DYSF: variants seen among roughly 807,000 people sequenced by gnomAD.
The protein encoded by DYSF is dysferlin.
In DYSF, 212 loss-of-function variants were observed where a neutral mutation model predicts 274.9. The ratio of observed to expected loss-of-function variants is 0.77; its 90% confidence interval spans 0.69 to 0.86. The LOEUF (loss-of-function observed/expected upper bound fraction) is 0.86. Among genes scored for constraint, DYSF ranks in the 40% least tolerant of loss-of-function variants. The pLI is 0.00. For synonymous variants in DYSF, 1,091 were observed against 1,078.7 expected (o/e 1.01, Z -0.22); for missense variants, 2,666 against 2,783.2 (o/e 0.96, Z 0.95).
intron 27 of DYSF, 121 bp downstream of exon 27, chr2:71,570,055 T>C: frequency 9.0e-7 from 1 of 1,110,964 alleles, no homozygotes; most frequent in Non-Finnish European, 1.4e-6. Context: ...GACTTCATGC[T>C]TTGATTTCCA....
chr2:71,557,527 T>A (rs4419251), intron 22 of DYSF, among the ~76,000 whole-genome samples: 93,534 of 151,594 alleles, frequency 0.62, 29,463 homozygotes, highest in Non-Finnish European at 0.66. Context: ...ATGTGAGGAA[T>A]GGACTGGTGG....
chr2:71,634,168 C>T (rs1273373779), intron 41 of DYSF, among the ~76,000 whole-genome samples: 2 of 152,154 alleles, frequency 1.3e-5, no homozygotes, highest in Non-Finnish European at 2.9e-5. Context: ...GAACCTTGAG[C>T]ATGGGGGAGT....
At position 71,569,842 on chromosome 2, in the gene DYSF, G is replaced by A. The variant is rs763298311; in HGVS notation, c.2887G>A (p.Gly963Ser). ...EKTLLHDMDA[G>S]HLSFVEEVFE... is the part of the protein sequence containing the mutation. ...CAGTCTGCTCCATGACATGGACGCCGGTCACCTGAGCTTCGTGGAAGAGGT... is the reference window on the plus strand; with the variant it reads ...CAGTCTGCTCCATGACATGGACGCCAGTCACCTGAGCTTCGTGGAAGAGGT... Residue 963 changes from glycine to serine, a missense_variant, in exon 27 of 56, where the codon GGT becomes AGT. This residue lies in a region of DYSF where 412 missense variants were observed against 504.0 expected (regional missense o/e 0.82). Coordinates refer to ENST00000410020, the MANE Select transcript of DYSF (RefSeq NM_001130987.2). 7.4e-6 allele frequency: 12 copies of A among 1,613,866 alleles called. No individual in the cohort carries two copies. The highest frequency in any genetic ancestry group is 1.3e-5 in the African/African-American group (1 of 74,908).
At chr2:71,633,133 C>T (rs2094342716) in intron 41 of DYSF, among the ~76,000 whole-genome samples, 1 of 152,120 alleles carries the variant, frequency 6.6e-6, no homozygotes, top group South Asian at 2.1e-4. Flanking sequence ...AATTAAGTGA[C>T]TTTTGTTATA....
At chr2:71,509,543 A>G (rs2085863277) in intron 4 of DYSF, among the ~76,000 whole-genome samples, 1 of 143,114 alleles carries the variant, frequency 7.0e-6, no homozygotes. Flanking sequence ...TGATATTCTC[A>G]GTTATTTTTC....
chr2:71,459,139 C>A (rs972893611), intron 1 of DYSF, among the ~76,000 whole-genome samples: 13 of 152,148 alleles, frequency 8.5e-5, no homozygotes, highest in African/African-American at 2.9e-4. Flanking sequence ...TTCCGGAAGC[C>A]TTTGGACATT....
At position 71,524,188 on chromosome 2, in the gene DYSF, G is replaced by A. The variant is rs150193999; in HGVS notation, c.1150-2032G>A. 9.6e-4 allele frequency among the ~76,000 whole-genome samples: 146 copies of A among 152,230 alleles called. 1 individual carries two copies. In the South Asian group the frequency reaches 1.0e-2, roughly 10 times the overall value. On this transcript the variant is annotated intron_variant, in intron 12 of 55. Transcript: ENST00000410020. ...CTACTTCCTCCCTGAAGCTTGCCTC[G>A]TCTTCCAGGAAAATGTATTGGTCTT... is the stretch of plus-strand genomic sequence containing the variant.
chr2:71,681,617 C>G (rs2095297504), intron 54 of DYSF, among the ~76,000 whole-genome samples: 1 of 152,198 alleles, frequency 6.6e-6, no homozygotes, highest in Non-Finnish European at 1.5e-5. Context: ...CTTCATTTTT[C>G]CATCTGTGAA....
At position 71,574,291 on chromosome 2, in the gene DYSF, C is replaced by T. The variant is rs377079619; in HGVS notation, c.3322C>T (p.Arg1108Cys). The change falls in exon 30 of 56, where the codon CGC becomes TGC. Residue 1108 changes from arginine (R) to cysteine (C), a missense_variant. Around this residue, in one of 3 missense-constraint regions of DYSF, gnomAD observed 1,460 missense variants for 1,502.1 expected, o/e 0.97. Coordinates refer to ENST00000410020, the MANE Select transcript of DYSF (RefSeq NM_001130987.2). The stretch of plus-strand genomic sequence containing the variant: ...CGAGTACCGCAAGACAGATGCCTTC[C>T]GCCGCCGCCGCTGGCGCCGTCGCAT... ...HLEYRKTDAF[R>C]RRRWRRRMEP... 9.3e-6 allele frequency: 15 copies of T among 1,613,262 alleles called. No individual in the cohort carries two copies. The highest frequency in any genetic ancestry group is 3.3e-5 in the Admixed American group (2 of 59,992).
chr2:71,665,408 C>T (rs1031821771), intron 47 of DYSF, 104 bp downstream of exon 47: 1 of 1,482,758 alleles, frequency 6.7e-7, no homozygotes, highest in Non-Finnish European at 9.3e-7. Flanking sequence ...ACATAACCCA[C>T]AGCAGCAGGC....
At chr2:71,548,572 AC>A (rs750993652) in intron 17 of DYSF, among the ~76,000 whole-genome samples, 2 of 116,368 alleles carry the variant, frequency 1.7e-5, no homozygotes, top group Non-Finnish European at 4.5e-5. Flanking sequence ...CGCATCGCAT[AC>A]CTGCCTAGCA....
intron 13 of DYSF, 69 bp downstream of exon 13, chr2:71,526,415 C>CGGGGGGGGGGGGGGGGGGG: frequency 9.7e-6 from 4 of 411,234 alleles, no homozygotes; most frequent in Middle Eastern, 8.7e-4. Context: ...TGGGGGTGGG[C>CGGGGGGGGGGGGGGGGGGG]GATGGCGGGC....
intron 53 of DYSF, 145 bp downstream of exon 53, chr2:71,679,380 C>CTA: frequency 2.3e-6 from 2 of 852,944 alleles, no homozygotes; most frequent in Middle Eastern, 3.5e-4. Flanking sequence ...CCCTCTCTCT[C>CTA]TATTTTCCAA....
intron 45 of DYSF, among the ~76,000 whole-genome samples, chr2:71,662,657 CTGTGTCCA>C (rs943397355): frequency 3.6e-5 from 5 of 138,712 alleles, no homozygotes; most frequent in African/African-American, 8.1e-5. Flanking sequence ...GTATGTGTCT[CTGTGTCCA>C]TGTGTCCGTG....
intron 45 of DYSF, among the ~76,000 whole-genome samples, chr2:71,663,047 A>ATATTTGTGTGTGTATGTCTGTGT (rs1306479068): frequency 1.4e-4 from 20 of 142,498 alleles, no homozygotes; most frequent in South Asian, 6.5e-4. Flanking sequence ...GTGTGCGCGC[A>ATATTTGTGTGTGTATGTCTGTGT]CGCGCGTGGT....
chr2:71,628,651 A>T (rs2094254853), intron 41 of DYSF, among the ~76,000 whole-genome samples: 1 of 152,144 alleles, frequency 6.6e-6, no homozygotes, highest in African/African-American at 2.4e-5. Flanking sequence ...ATTTTATTTT[A>T]AAGTTAAGTT....
chr2:71,475,388 G>A (rs894650138), intron 1 of DYSF, among the ~76,000 whole-genome samples: 1 of 152,202 alleles, frequency 6.6e-6, no homozygotes, highest in African/African-American at 2.4e-5. Flanking sequence ...TGTGAGTAAG[G>A]CATGGTGTTT....
rs569512865 is a variant in DYSF, at chr2:71,662,848, A to ATG, written c.5004-1410_5004-1409dup. Reference sequence around the variant, plus strand: ...TGTGCATTTGTGTATATGTGTGTGTATGTGTGTGTGTCTGTGTCCATGTAT... The same window carrying ATG: ...TGTGCATTTGTGTATATGTGTGTGTATGTGTGTGTGTGTCTGTGTCCATGTAT... On this transcript the variant is annotated intron_variant, in intron 45 of 55. Transcript: ENST00000410020. Among the ~76,000 whole-genome samples, 24 of 75,640 alleles carry ATG rather than the reference A, an allele frequency of 3.2e-4. 1 individual carries two copies. In the East Asian group the frequency reaches 9.7e-3, roughly 31 times the overall value. The allele number at this position is 75,640 out of a possible 152,430, so 49.6% of individuals were successfully genotyped here.
intron 3 of DYSF, among the ~76,000 whole-genome samples, chr2:71,497,829 T>C (rs1454825300): frequency 6.6e-6 from 1 of 152,248 alleles, no homozygotes; most frequent in Non-Finnish European, 1.5e-5. Flanking sequence ...TTCTAAGCTA[T>C]ATCTCTACAT....
Sources: gnomAD v4.1 joint callset for allele counts (sites outside exome capture counted in the v4.1 genomes callset) on GRCh38, gnomAD v4.1.1 for gene constraint, gnomAD v4.1.1 regional missense constraint, MANE v1.5 for transcripts, NCBI Gene and HGNC (gene_info 2026-07-23, HGNC 2026-07-21) for gene names.